The following POMT1 variants were observed in gnomAD, a reference collection of about 807,000 sequenced individuals.
The protein encoded by POMT1 is protein O-mannosyltransferase 1, also known as protein O-mannosyl-transferase 1.
Under a neutral mutation model 101.6 loss-of-function variants are expected in POMT1, and 85 were observed. The ratio of observed to expected loss-of-function variants is 0.84; its 90% CI spans 0.70 to 1.00. The LOEUF (loss-of-function observed/expected upper bound fraction) is 1.00. POMT1 is among the 50% of genes least tolerant of loss of function. The probability of loss-of-function intolerance (pLI) is 0.00; values close to 1 mark genes in which losing one functional copy is unlikely to be tolerated. For missense variants in POMT1, 857 were observed against 930.4 expected (o/e 0.92, Z 1.03); for synonymous variants, 371 against 383.0 (o/e 0.97, Z 0.37).
At chr9:131,506,557 C>A in intron 4 of POMT1, 104 bp downstream of exon 4, 1 of 1,051,144 alleles carries the variant, frequency 9.5e-7, no homozygotes. Flanking sequence ...TCCTTTCATA[C>A]CTAGTCCCAC....
intron 14 of POMT1, 149 bp downstream of exon 14, chr9:131,518,686 G>C: frequency 1.4e-6 from 2 of 1,467,472 alleles, no homozygotes; most frequent in Non-Finnish European, 1.9e-6. Context: ...GGCGGCTTTT[G>C]TAACTTCTCA....
intron 4 of POMT1, 55 bp downstream of exon 4, chr9:131,506,508 T>G (rs571166976): frequency 6.6e-7 from 1 of 1,516,594 alleles, no homozygotes; most frequent in East Asian, 2.3e-5. Flanking sequence ...ATGAAGAGAT[T>G]GTGACTTTTG....
At position 131,523,367 on chromosome 9, in the gene POMT1, GC is replaced by G; in HGVS notation, c.*263del. On this transcript the variant is annotated 3_prime_UTR_variant, in exon 20 of 20. Transcript: ENST00000402686. ...CTAAGACACAGGGAGTATTTCAGAG[GC>G]CAGCGTAGGAGTCATTGACAACAAA... 1 of 506,116 alleles carries G rather than the reference GC, an allele frequency of 2.0e-6. No individual in the cohort carries two copies. The highest frequency in any genetic ancestry group is 3.6e-6 in the Non-Finnish European group (1 of 278,064). 31.4% of individuals were successfully genotyped at this position (506,116 alleles called of 1,614,324 possible). A position where few individuals can be genotyped will look rare whatever the true frequency, so the allele number is the denominator to read the frequency against.
At chr9:131,515,770 A>ACAGGACAC (rs1564366664) in intron 13 of POMT1, among the ~76,000 whole-genome samples, 2,278 of 24,270 alleles carry the variant, frequency 0.094, 470 homozygotes, top group South Asian at 0.2. Context: ...TTCCTCTAAC[A>ACAGGACAC]TGGAGCACTT....
chr9:131,518,297 T>G (rs1949162502), intron 13 of POMT1, 148 bp from the exon 14 acceptor site: 1 of 813,708 alleles, frequency 1.2e-6, no homozygotes, highest in Non-Finnish European at 2.2e-6. Flanking sequence ...GGAAGGCCAG[T>G]ACCAGCCCCT....
At chr9:131,511,532 T>C (rs1049516794) in intron 10 of POMT1, 65 bp downstream of exon 10, 1 of 1,598,714 alleles carries the variant, frequency 6.3e-7, no homozygotes, top group Non-Finnish European at 8.6e-7. Context: ...TTGCTTATCT[T>C]AGCAACTTTC....
rs1564379439 is a variant in POMT1, at chr9:131,518,968, G to GGCGTGGCTTCCGCC, written c.1486+14_1486+27dup. 1 of 1,613,288 alleles carries GGCGTGGCTTCCGCC rather than the reference G, an allele frequency of 6.2e-7. No individual in the cohort carries two copies. The highest frequency in any genetic ancestry group is 1.7e-5 in the Admixed American group (1 of 60,012). ...ACCGATACGGCGCGAGTGAGTCCGC[G>GGCGTGGCTTCCGCC]GCGTGGCTTCCGCCGCTCCTGGAAT... On this transcript the variant is annotated intron_variant, in intron 15 of 19. Transcript: ENST00000402686.
chr9:131,520,739 T>C (rs1041175754), intron 17 of POMT1, among the ~76,000 whole-genome samples: 3 of 152,234 alleles, frequency 2.0e-5, no homozygotes, highest in Non-Finnish European at 4.4e-5. Flanking sequence ...CACTTTGCAT[T>C]CTCCTCCGTG....
chr9:131,507,655 C>T (rs954513281), intron 5 of POMT1, 141 bp downstream of exon 5: 212 of 1,206,682 alleles, frequency 1.8e-4, no homozygotes, highest in Admixed American at 2.6e-4. Context: ...GCAAGTCACC[C>T]GCTCCCAGGC....
intron 6 of POMT1, among the ~76,000 whole-genome samples, 198 bp downstream of exon 6, chr9:131,509,220 G>A (rs773099127): frequency 2.0e-5 from 3 of 151,940 alleles, no homozygotes; most frequent in African/African-American, 7.3e-5. Context: ...GCGCAATCTC[G>A]GCTCACTGCA....
At position 131,509,012 on chromosome 9, in the gene POMT1, C is replaced by G. The variant is rs746247204; in HGVS notation, c.529C>G (p.Gln177Glu). 6.2e-7 allele frequency: 1 copy of G among 1,605,696 alleles called. No individual in the cohort carries two copies. The highest frequency in any genetic ancestry group is 8.5e-7 in the Non-Finnish European group (1 of 1,172,386). The part of the protein sequence containing the change: ...VLSYLKFFNC[Q>E]KHSPFSLSWW... Reference sequence around the variant, plus strand: ...GTCCTACCTGAAGTTCTTCAACTGCCAAAAGCACAGGTATGGAAAATGGAG... The same window carrying G: ...GTCCTACCTGAAGTTCTTCAACTGCGAAAAGCACAGGTATGGAAAATGGAG... Residue 177 changes from glutamine (Q) to glutamate (E), a missense_variant, in exon 6 of 20, where the codon CAA (glutamine) becomes GAA (glutamate). Transcript: ENST00000402686.
intron 17 of POMT1, 131 bp downstream of exon 17, chr9:131,520,324 T>G: frequency 1.2e-6 from 1 of 839,152 alleles, no homozygotes; most frequent in Non-Finnish European, 2.0e-6. Context: ...CAAAGGCCTG[T>G]GACTTGGTTT....
At chr9:131,518,736 G>A in intron 14 of POMT1, 101 bp from the exon 15 acceptor site, 2 of 1,586,412 alleles carry the variant, frequency 1.3e-6, no homozygotes, top group East Asian at 2.2e-5. Flanking sequence ...AGGGGCACCT[G>A]CTGACAGCGT....
intron 4 of POMT1, 46 bp from the exon 5 acceptor site, chr9:131,507,322 G>A (rs777807183): frequency 6.2e-7 from 1 of 1,612,850 alleles, no homozygotes; most frequent in East Asian, 2.2e-5. Context: ...CACAGAGATG[G>A]TGTGTGCACA....
chr9:131,513,753 C>T (rs1185289888), intron 12 of POMT1, among the ~76,000 whole-genome samples: 2 of 152,212 alleles, frequency 1.3e-5, no homozygotes, highest in African/African-American at 4.8e-5. Context: ...AAGGCTTCTT[C>T]CTTCTCAGTC....
At chr9:131,513,393 G>A in intron 12 of POMT1, 62 bp downstream of exon 12, 1 of 1,483,334 alleles carries the variant, frequency 6.7e-7, no homozygotes, top group Non-Finnish European at 9.2e-7. Context: ...TCTCTGTTCA[G>A]ACCAAAACGT....
In POMT1 at chr9:131,523,010, G is replaced by A. The variant is rs558068722; in HGVS notation, c.2082G>A (p.Leu694=). 2.5e-6 allele frequency: 4 copies of A among 1,609,822 alleles called. No homozygotes were observed. In the Admixed American group the frequency reaches 5.0e-5, roughly 20 times the overall value. The change falls in exon 20 of 20, where the codon CTG becomes CTA. Residue 694 remains leucine (L), a synonymous_variant. Transcript: ENST00000402686. ...CCGCGTGCCACGTGTCCAACACGCT[G>A]CGCCCACTCACCTACGGGGACAAGT... ...YSSACHVSNT[L]RPLTYGDKSL... is the part of the protein sequence containing the mutation.
rs760178838 is a variant in POMT1, at chr9:131,509,894, T to G, written c.606-9T>G. The stretch of plus-strand genomic sequence containing the variant: ...TCATGTTAACTCCATTTCTGTCATG[T>G]CTTTGCAGCATCAAGTACATGGGTG... On this transcript the variant is annotated splice_polypyrimidine_tract_variant and intron_variant, in intron 7 of 19. Coordinates refer to ENST00000402686, the MANE Select transcript of POMT1 (RefSeq NM_001077365.2). The G allele has an allele frequency of 6.2e-7, 1 of 1,614,230 alleles. No individual in the cohort carries two copies.
intron 5 of POMT1, 96 bp from the exon 6 acceptor site, chr9:131,508,815 G>A (rs948269979): frequency 1.9e-5 from 16 of 841,230 alleles, no homozygotes; most frequent in African/African-American, 3.4e-5. Context: ...CAGTTGTATC[G>A]CTTCTGAAGT....
Sources: gnomAD v4.1 joint callset for allele counts (sites outside exome capture counted in the v4.1 genomes callset) on GRCh38, gnomAD v4.1.1 for gene constraint, MANE v1.5 for transcripts, NCBI Gene and HGNC (gene_info 2026-07-23, HGNC 2026-07-21) for gene names.